Variants in CSMD1 observed in about 807,000 individuals in gnomAD.
The protein encoded by CSMD1 is CUB and Sushi multiple domains 1, also known as CUB and sushi domain-containing protein 1.
Under a neutral mutation model 417.5 loss-of-function variants are expected in CSMD1, and 213 were observed. The ratio of observed to expected loss-of-function variants is 0.51; its 90% confidence interval spans 0.46 to 0.57. The LOEUF (loss-of-function observed/expected upper bound fraction) is 0.57. CSMD1 is among the 20% of genes least tolerant of loss of function. CSMD1 has a pLI of 0.00. For synonymous variants in CSMD1, 2,862 were observed against 1,736.8 expected, an observed-to-expected ratio of 1.65 and a Z score of -16.11; for missense variants, 6,923 against 4,529.7, an observed-to-expected ratio of 1.53 and a Z score of -15.17.
At chr8:3,407,059 C>G (rs914521174) in intron 14 of CSMD1, among the ~76,000 whole-genome samples, 8 of 151,674 alleles carry the variant, frequency 5.3e-5, no homozygotes, top group Non-Finnish European at 1.2e-4. Flanking sequence ...GGCTGGCTGG[C>G]TGGATGAATG....
At chr8:3,513,754 G>A (rs993970826) in intron 10 of CSMD1, among the ~76,000 whole-genome samples, 1 of 152,196 alleles carries the variant, frequency 6.6e-6, no homozygotes, top group Non-Finnish European at 1.5e-5. Flanking sequence ...TAGGTCAGCT[G>A]CAGAGTGCAG....
chr8:4,618,807 G>T (rs548553938), intron 2 of CSMD1, among the ~76,000 whole-genome samples: 4 of 152,132 alleles, frequency 2.6e-5, no homozygotes, highest in African/African-American at 9.7e-5. Flanking sequence ...TCACTGTTCA[G>T]AGAAAACATT....
intron 3 of CSMD1, among the ~76,000 whole-genome samples, chr8:4,217,939 T>A (rs1800781549): frequency 6.6e-6 from 1 of 152,254 alleles, no homozygotes; most frequent in East Asian, 1.9e-4. Context: ...AGCAAAGAAA[T>A]GTGCAGAGGC....
intron 3 of CSMD1, among the ~76,000 whole-genome samples, chr8:4,163,842 A>G (rs920847274): frequency 5.3e-5 from 8 of 152,196 alleles, no homozygotes; most frequent in African/African-American, 1.9e-4. Flanking sequence ...CATTAATTCA[A>G]AAATTACTAC....
rs376983561 is a variant in CSMD1, at chr8:3,241,969, G to A, written c.4154-11738C>T. Among the ~76,000 whole-genome samples, 33 of 128,532 alleles carry A rather than the reference G, an allele frequency of 2.6e-4. No homozygotes were observed. In the East Asian group the frequency reaches 6.9e-3, roughly 27 times the overall value. 84.3% of individuals were successfully genotyped at this position (128,532 alleles called of 152,430 possible). A position where few individuals can be genotyped will look rare whatever the true frequency, so the allele number is the denominator to read the frequency against. ...ATAAAATGTATATTGAGAATAAGAC[G>A]GCCTTTTGACCTTTTAGGGTCTAGG... On this transcript the variant is annotated intron_variant, in intron 26 of 69. Transcript: ENST00000635120.
At chr8:4,128,475 G>C (rs1802896081) in intron 3 of CSMD1, among the ~76,000 whole-genome samples, 2 of 152,076 alleles carry the variant, frequency 1.3e-5, no homozygotes, top group Non-Finnish European at 2.9e-5. Flanking sequence ...TGCTCTCCAA[G>C]GTTTAAAATT....
intron 3 of CSMD1, among the ~76,000 whole-genome samples, chr8:4,168,329 A>G (rs545891822): frequency 3.9e-5 from 6 of 152,156 alleles, no homozygotes; most frequent in African/African-American, 1.4e-4. Flanking sequence ...CCAAAAGGTC[A>G]AGGCTACAGT....
intron 3 of CSMD1, among the ~76,000 whole-genome samples, chr8:4,050,484 A>G (rs1241003776): frequency 1.3e-5 from 2 of 152,146 alleles, no homozygotes; most frequent in African/African-American, 2.4e-5. Context: ...ATGAATTTTA[A>G]TTGCATCAGG....
chr8:3,208,622 G>T (rs1394912793), intron 30 of CSMD1, among the ~76,000 whole-genome samples: 1 of 152,146 alleles, frequency 6.6e-6, no homozygotes, highest in Non-Finnish European at 1.5e-5. Context: ...AGGATAGAAA[G>T]TATTGATCCT....
At chr8:3,444,130 A>C (rs902748525) in intron 12 of CSMD1, among the ~76,000 whole-genome samples, 3 of 152,182 alleles carry the variant, frequency 2.0e-5, no homozygotes, top group Admixed American at 1.3e-4. Flanking sequence ...CAGAAAGAAC[A>C]AGAAATCAAG....
intron 5 of CSMD1, among the ~76,000 whole-genome samples, chr8:3,922,616 T>G (rs1266013747): frequency 6.6e-6 from 1 of 152,202 alleles, no homozygotes; most frequent in Non-Finnish European, 1.5e-5. Flanking sequence ...GCAGTCTATT[T>G]TGTGGCTGAT....
intron 1 of CSMD1, among the ~76,000 whole-genome samples, chr8:4,729,214 A>C (rs1442853209): frequency 2.0e-5 from 3 of 152,194 alleles, no homozygotes; most frequent in African/African-American, 4.8e-5. Flanking sequence ...TGTTTAAATA[A>C]AGAGGGCATT....
intron 3 of CSMD1, among the ~76,000 whole-genome samples, chr8:4,218,130 G>A (rs74863122): frequency 1.3e-5 from 2 of 152,122 alleles, no homozygotes; most frequent in African/African-American, 2.4e-5. Context: ...GAACAGCAGG[G>A]TATAAGTAAC....
intron 2 of CSMD1, among the ~76,000 whole-genome samples, chr8:4,586,843 G>A (rs553142466): frequency 1.3e-5 from 2 of 152,256 alleles, no homozygotes; most frequent in Admixed American, 1.3e-4. Flanking sequence ...GTAGGATCAT[G>A]GCAGGTGTTC....
At chr8:3,152,514 TC>T (rs1819260753) in intron 39 of CSMD1, among the ~76,000 whole-genome samples, 1 of 152,230 alleles carries the variant, frequency 6.6e-6, no homozygotes, top group Non-Finnish European at 1.5e-5. Context: ...GAAGCCTTTT[TC>T]TTTTTTAATC....
At chr8:3,825,763 G>C (rs971560720) in intron 5 of CSMD1, among the ~76,000 whole-genome samples, 1 of 152,172 alleles carries the variant, frequency 6.6e-6, no homozygotes, top group Non-Finnish European at 1.5e-5. Flanking sequence ...CACATGAACT[G>C]TGGAAATGTA....
At chr8:4,037,325 C>G (rs949252090) in intron 3 of CSMD1, among the ~76,000 whole-genome samples, 11 of 152,046 alleles carry the variant, frequency 7.2e-5, no homozygotes, top group African/African-American at 2.4e-4. Flanking sequence ...CCACATTTTC[C>G]CAGAACCTAC....
chr8:3,287,077 G>T (rs1245698543), intron 25 of CSMD1, among the ~76,000 whole-genome samples: 1 of 152,056 alleles, frequency 6.6e-6, no homozygotes, highest in Non-Finnish European at 1.5e-5. Context: ...TTATTAAATA[G>T]GGAATGCTTT....
At chr8:4,752,555 T>G (rs1811400387) in intron 1 of CSMD1, among the ~76,000 whole-genome samples, 1 of 152,114 alleles carries the variant, frequency 6.6e-6, no homozygotes, top group Non-Finnish European at 1.5e-5. Flanking sequence ...TGTACCCAGA[T>G]GCACAGAGTG....
Sources: allele counts gnomAD v4.1 joint callset (sites outside exome capture counted in the v4.1 genomes callset), GRCh38; gene constraint gnomAD v4.1.1; transcripts MANE v1.5; gene names NCBI Gene and HGNC (gene_info 2026-07-23, HGNC 2026-07-21).